ROCK1: variants seen among roughly 807,000 people sequenced by gnomAD.
ROCK1 encodes the protein Rho associated coiled-coil containing protein kinase 1.
Under a neutral mutation model 196.8 loss-of-function variants are expected in ROCK1, and 36 were observed. The ratio of observed to expected loss-of-function variants is 0.18; its 90% CI spans 0.14 to 0.24. The LOEUF (loss-of-function observed/expected upper bound fraction) is 0.24, where lower values mean the gene tolerates loss of function less well. Ranked by LOEUF, ROCK1 falls within the 10% of genes least tolerant of loss-of-function variation. The pLI is 1.00. For missense variants in ROCK1, 920 were observed against 1,562.0 expected (o/e 0.59, Z 6.93); for synonymous variants, 443 against 515.9 (o/e 0.86, Z 1.91).
At chr18:20,999,739 C>A (rs2035705938) in intron 16 of ROCK1, among the ~76,000 whole-genome samples, 1 of 152,142 alleles carries the variant, frequency 6.6e-6, no homozygotes, top group Non-Finnish European at 1.5e-5. Flanking sequence ...AGGTCTGCCT[C>A]TGTCAGCCAG....
chr18:21,073,120 T>C (rs996102150), intron 1 of ROCK1, among the ~76,000 whole-genome samples: 8 of 115,782 alleles, frequency 6.9e-5, no homozygotes, highest in African/African-American at 1.9e-4. Context: ...GGAGAAAATA[T>C]GTAACAGAGG....
At chr18:20,960,413 CCATA>C (rs1280254423) in intron 27 of ROCK1, among the ~76,000 whole-genome samples, 1 of 152,008 alleles carries the variant, frequency 6.6e-6, no homozygotes, top group African/African-American at 2.4e-5. Context: ...GCCACTTTTC[CCATA>C]CAATTTAACA....
chr18:21,078,784 T>C (rs2036457825), intron 1 of ROCK1, among the ~76,000 whole-genome samples: 1 of 152,204 alleles, frequency 6.6e-6, no homozygotes, highest in Admixed American at 6.5e-5. Context: ...ATGCTGCTAC[T>C]AGAGCCTCTG....
intron 1 of ROCK1, among the ~76,000 whole-genome samples, chr18:21,090,284 T>G (rs997679127): frequency 1.6e-4 from 25 of 152,168 alleles, no homozygotes; most frequent in Admixed American, 5.9e-4. Flanking sequence ...GGCAACACAG[T>G]GTGACCCTGT....
intron 2 of ROCK1, among the ~76,000 whole-genome samples, chr18:21,061,881 C>A (rs2036294655): frequency 6.6e-6 from 1 of 151,990 alleles, no homozygotes; most frequent in South Asian, 2.1e-4. Context: ...TAAGTAAATA[C>A]CAATAATGGG....
At chr18:21,029,807 G>C (rs2035991121) in intron 9 of ROCK1, among the ~76,000 whole-genome samples, 1 of 151,884 alleles carries the variant, frequency 6.6e-6, no homozygotes, top group Non-Finnish European at 1.5e-5. Context: ...TAAATTCTAA[G>C]AAAATAAAAT....
At chr18:20,957,514 T>A (rs2035255197) in intron 29 of ROCK1, among the ~76,000 whole-genome samples, 1 of 151,810 alleles carries the variant, frequency 6.6e-6, no homozygotes, top group African/African-American at 2.4e-5. Flanking sequence ...GGAGTCTCGC[T>A]CTGTCACCCG....
In ROCK1 at chr18:21,098,408, T is replaced by A. The variant is rs1341707499; in HGVS notation, c.93+12410A>T. Among the ~76,000 whole-genome samples the A allele has an allele frequency of 2.6e-5, 4 of 152,118 alleles. No homozygotes were observed. The East Asian group carries it at 7.7e-4, about 29-fold the overall frequency. ...GATAAAATTGGATGTATCTCAAAATTTACCATACATGATAAATTCCGAGTA... is the reference window on the plus strand; with the variant it reads ...GATAAAATTGGATGTATCTCAAAATATACCATACATGATAAATTCCGAGTA... On this transcript the variant is annotated intron_variant, in intron 1 of 32. Coordinates refer to ENST00000399799, the MANE Select transcript of ROCK1 (RefSeq NM_005406.3).
At chr18:21,040,207 A>AC (rs767522279) in intron 8 of ROCK1, among the ~76,000 whole-genome samples, 13 of 152,170 alleles carry the variant, frequency 8.5e-5, no homozygotes, top group Non-Finnish European at 1.9e-4. Flanking sequence ...TGTGTGTGTT[A>AC]TTTTTTTCTT....
chr18:21,062,306 A>G (rs78288302), intron 2 of ROCK1, among the ~76,000 whole-genome samples: 24,168 of 152,020 alleles, frequency 0.16, 3,884 homozygotes, highest in African/African-American at 0.41. Flanking sequence ...AGAACATGTC[A>G]AAGAACACAG....
intron 1 of ROCK1, among the ~76,000 whole-genome samples, chr18:21,107,959 G>A (rs1445026560): frequency 6.6e-6 from 1 of 152,044 alleles, no homozygotes; most frequent in African/African-American, 2.4e-5. Flanking sequence ...GGGGGCTGAG[G>A]CAGGAGAATC....
At chr18:21,042,029 C>T (rs2036111554) in intron 8 of ROCK1, 68 bp downstream of exon 8, 1 of 1,410,756 alleles carries the variant, frequency 7.1e-7, no homozygotes, top group Non-Finnish European at 9.7e-7. Context: ...CAGATATGGA[C>T]CTTAAAAATG....
intron 13 of ROCK1, among the ~76,000 whole-genome samples, chr18:21,010,569 C>A (rs2035808042): frequency 6.6e-6 from 1 of 152,116 alleles, no homozygotes; most frequent in Non-Finnish European, 1.5e-5. Context: ...CTCATCTGTA[C>A]ATTTTGGTCA....
rs746730014 is a variant in ROCK1 at position 21,045,299 on chromosome 18, T to C, written c.583A>G (p.Ile195Val). 2.5e-6 allele frequency: 4 copies of C among 1,601,036 alleles called. No individual in the cohort carries two copies. The highest frequency in any genetic ancestry group is 2.3e-5 in the South Asian group (2 of 87,782). Residue 195 changes from isoleucine (I) to valine (V), a missense_variant, in exon 5 of 33, where the codon ATT (isoleucine) becomes GTT (valine). This residue lies in a region of ROCK1 where 234 missense variants were observed against 460.7 expected (regional missense o/e 0.51). Coordinates refer to ENST00000399799, the MANE Select transcript of ROCK1 (RefSeq NM_005406.3). ...ALDAIHSMGFIHRDVKPDNML... is the reference protein window; with the variant it reads ...ALDAIHSMGFVHRDVKPDNML... ...AAGCACTTTTATCTTTACCTGTGAA[T>C]AAAACCCATGGAATGGATTGCATCC...
intron 4 of ROCK1, among the ~76,000 whole-genome samples, chr18:21,047,109 T>G (rs2143513801): frequency 6.6e-6 from 1 of 152,360 alleles, no homozygotes; most frequent in South Asian, 2.1e-4. Context: ...ACTGTTAATT[T>G]GGTGACAGTT....
intron 12 of ROCK1, among the ~76,000 whole-genome samples, chr18:21,015,766 G>A (rs930825005): frequency 6.6e-6 from 1 of 151,700 alleles, no homozygotes; most frequent in Non-Finnish European, 1.5e-5. Flanking sequence ...GAGGTCAGGA[G>A]TTCGAGACCA....
chr18:21,067,858 T>A (rs1225241661), intron 2 of ROCK1, among the ~76,000 whole-genome samples: 1 of 152,202 alleles, frequency 6.6e-6, no homozygotes, highest in Non-Finnish European at 1.5e-5. Context: ...GAGTTTTACA[T>A]TTTTAACTTT....
At chr18:20,959,149 T>TATATATTATATATTATATA (rs2035297926) in intron 29 of ROCK1, among the ~76,000 whole-genome samples, 2 of 66,420 alleles carry the variant, frequency 3.0e-5, no homozygotes, top group African/African-American at 1.7e-4. Flanking sequence ...TTATATAAAA[T>TATATATTATATATTATATA]ATATATATTA....
chr18:20,981,954 T>C (rs1366819684), intron 21 of ROCK1, among the ~76,000 whole-genome samples: 1 of 152,232 alleles, frequency 6.6e-6, no homozygotes, highest in African/African-American at 2.4e-5. Flanking sequence ...ATTTGGTTCA[T>C]AACAGCTTAT....
Sources: gnomAD v4.1 joint callset for allele counts (sites outside exome capture counted in the v4.1 genomes callset) on GRCh38, gnomAD v4.1.1 for gene constraint, gnomAD v4.1.1 regional missense constraint, MANE v1.5 for transcripts, NCBI Gene and HGNC (gene_info 2026-07-23, HGNC 2026-07-21) for gene names.